DORIP1: variants seen among roughly 807,000 people sequenced by gnomAD.
The protein encoded by DORIP1 is dopamine receptor-interacting protein 1.
chr14:44,904,286 C>T, the DORIP1 span: 273 of 1,490,008 alleles, frequency 1.8e-4, no homozygotes, highest in African/African-American at 3.2e-3. Flanking sequence ...ATTACCTACA[C>T]CTATAATAGA....
At chr14:44,903,219 A>C in the DORIP1 span, 9 of 1,611,638 alleles carry the variant, frequency 5.6e-6, 1 homozygote, top group Middle Eastern at 1.7e-4. Context: ...CTCCCCAAGA[A>C]ATTCCACATG....
chr14:44,897,814 G>A, the DORIP1 span, among the ~76,000 whole-genome samples: 1 of 152,320 alleles, frequency 6.6e-6, no homozygotes, highest in East Asian at 1.9e-4. Context: ...GGGCTCCCCG[G>A]GGGCGCACGC....
the DORIP1 span, chr14:44,904,242 G>A: frequency 3.1e-5 from 31 of 985,044 alleles, no homozygotes; most frequent in African/African-American, 4.4e-4. Context: ...GGTGATATAA[G>A]GTAGTAATTA....
the DORIP1 span, among the ~76,000 whole-genome samples, chr14:44,902,248 C>T: frequency 5.3e-5 from 8 of 152,282 alleles, no homozygotes; most frequent in Admixed American, 4.6e-4. Context: ...AAGTGATCCT[C>T]CTGCCTCATG....
chr14:44,903,237 G>T, the DORIP1 span: 1 of 1,613,296 alleles, frequency 6.2e-7, no homozygotes, highest in Non-Finnish European at 8.5e-7. Flanking sequence ...ATGGAAACTT[G>T]ATAAGACTGG....
the DORIP1 span, chr14:44,905,227 G>A: frequency 2.0e-6 from 1 of 498,814 alleles, no homozygotes; most frequent in Admixed American, 3.8e-5. Flanking sequence ...TTTATTACAT[G>A]ATCTATAGAG....
the DORIP1 span, chr14:44,900,483 T>G: frequency 6.4e-7 from 1 of 1,564,456 alleles, no homozygotes; most frequent in Non-Finnish European, 8.6e-7. Context: ...AAAATAACTA[T>G]AACCAAGATC....
chr14:44,898,802 G>C, the DORIP1 span: 1 of 152,084 alleles, frequency 6.6e-6, no homozygotes, highest in Non-Finnish European at 1.5e-5. Context: ...ACAGTATCTT[G>C]CTTCAAACTG....
At chr14:44,905,371 T>C in the DORIP1 span, 1 of 1,505,310 alleles carries the variant, frequency 6.6e-7, no homozygotes, top group Non-Finnish European at 9.0e-7. Flanking sequence ...TTGCAGGTAT[T>C]TGTTGGAAGG....
chr14:44,906,901 T>C, the DORIP1 span: 1 of 152,070 alleles, frequency 6.6e-6, no homozygotes. Context: ...CTTGTTTATA[T>C]ATCAAACTGA....
chr14:44,901,179 ATGT>A, the DORIP1 span, among the ~76,000 whole-genome samples: 3 of 152,208 alleles, frequency 2.0e-5, no homozygotes, highest in Non-Finnish European at 4.4e-5. Context: ...GTATAGTAAC[ATGT>A]TGTATGGATT....
At chr14:44,905,552 T>C in the DORIP1 span, 4 of 1,485,802 alleles carry the variant, frequency 2.7e-6, no homozygotes, top group East Asian at 9.4e-5. Flanking sequence ...GAGAAATAAA[T>C]ATAGATTGAT....
the DORIP1 span, chr14:44,905,417 C>T: frequency 6.4e-7 from 1 of 1,565,668 alleles, no homozygotes. Context: ...CATCATTATT[C>T]TGCAGCTTTC....
the DORIP1 span, among the ~76,000 whole-genome samples, chr14:44,902,276 CT>C: frequency 6.6e-6 from 1 of 152,148 alleles, no homozygotes; most frequent in Non-Finnish European, 1.5e-5. Flanking sequence ...ACTTCAGCCT[CT>C]CCAGTAGCTG....
the DORIP1 span, chr14:44,903,528 ATAAAACCTTGG>A: frequency 9.0e-7 from 1 of 1,110,506 alleles, no homozygotes. Flanking sequence ...AGTAGGTACA[ATAAAACCTTGG>A]TTAACTGGAA....
chr14:44,904,060 C>T, the DORIP1 span: 1 of 984,906 alleles, frequency 1.0e-6, no homozygotes, highest in Admixed American at 6.2e-5. Flanking sequence ...TATTTTTCCC[C>T]TCTCTGCCAT....
the DORIP1 span, chr14:44,904,492 G>A: frequency 5.6e-6 from 9 of 1,611,182 alleles, no homozygotes; most frequent in Non-Finnish European, 7.6e-6. Context: ...TGAAGATCTG[G>A]CGTATGTACC....
the DORIP1 span, chr14:44,904,586 A>G: frequency 6.8e-7 from 1 of 1,475,714 alleles, no homozygotes; most frequent in South Asian, 1.4e-5. Context: ...TTATCCTGTT[A>G]TATTATGATT....
chr14:44,906,128 T>C, the DORIP1 span: 1 of 151,304 alleles, frequency 6.6e-6, no homozygotes, highest in Non-Finnish European at 1.5e-5. Flanking sequence ...TTTTCAGAGC[T>C]TAAACTATTT....
Sources: gnomAD v4.1 joint callset for allele counts (sites outside exome capture counted in the v4.1 genomes callset) on GRCh38, gnomAD v4.1.1 for gene constraint, MANE v1.5 for transcripts, NCBI Gene and HGNC (gene_info 2026-07-23, HGNC 2026-07-21) for gene names.